Variants in ATG7 observed in about 807,000 individuals in gnomAD.
ATG7 encodes ubiquitin-like modifier-activating enzyme ATG7.
ATG7 carries 70 observed loss-of-function variants against 82.4 expected under a neutral mutation model. The observed-to-expected ratio is 0.85, with a 90% confidence interval of 0.70 to 1.04. The LOEUF is 1.04. Ranked by LOEUF, ATG7 falls within the 50% of genes least tolerant of loss-of-function variation. The pLI, the probability that ATG7 is intolerant of heterozygous loss-of-function variation, is 0.00. For synonymous variants in ATG7, 287 were observed against 313.0 expected, an observed-to-expected ratio of 0.92 and a Z score of 0.88; for missense variants, 792 against 864.3, an observed-to-expected ratio of 0.92 and a Z score of 1.05.
intron 18 of ATG7, among the ~76,000 whole-genome samples, chr3:11,370,969 C>G (rs1393266027): frequency 6.6e-6 from 1 of 151,080 alleles, no homozygotes; most frequent in East Asian, 1.9e-4. Flanking sequence ...GGCTTTGCCA[C>G]TTGGTAGCTG....
At chr3:11,334,078 C>T (rs1448801048) in intron 11 of ATG7, among the ~76,000 whole-genome samples, 1 of 151,844 alleles carries the variant, frequency 6.6e-6, no homozygotes, top group African/African-American at 2.4e-5. Flanking sequence ...ACCCGGAATC[C>T]ATGTCCTATG....
chr3:11,438,707 T>G lies in ATG7; in HGVS notation c.2079+11781T>G, dbSNP rs1416467659. Reference sequence around the variant, plus strand: ...AATCCCTTTGAATTATTAAAAAAATTAGGCAAATTAGTGCATTTGCTGGGT... The same window carrying G: ...AATCCCTTTGAATTATTAAAAAAATGAGGCAAATTAGTGCATTTGCTGGGT... On this transcript the variant is annotated intron_variant, in intron 20 of 20. Transcript: ENST00000693202. 7.2e-5 allele frequency among the ~76,000 whole-genome samples: 11 copies of G among 152,186 alleles called. No homozygotes were observed. In the East Asian group the frequency reaches 2.1e-3, roughly 29 times the overall value.
At chr3:11,343,925 A>G (rs1954071281) in intron 13 of ATG7, among the ~76,000 whole-genome samples, 1 of 152,204 alleles carries the variant, frequency 6.6e-6, no homozygotes, top group African/African-American at 2.4e-5. Flanking sequence ...TTTTTATGAC[A>G]TTAATCCTTA....
chr3:11,286,428 A>G lies in ATG7; in HGVS notation c.-11+3990A>G, dbSNP rs558783618. Among the ~76,000 whole-genome samples the G allele has an allele frequency of 2.0e-5, 3 of 151,862 alleles. No individual in the cohort carries two copies. The South Asian group carries it at 6.2e-4, about 32-fold the overall frequency. On this transcript the variant is annotated intron_variant, in intron 3 of 20. Transcript: ENST00000693202. ...TATGTTCTTCATGATTCCTTACTCCATATTCTGTGGTAATTGGCTTCTGGG... is the reference window on the plus strand; with the variant it reads ...TATGTTCTTCATGATTCCTTACTCCGTATTCTGTGGTAATTGGCTTCTGGG...
chr3:11,368,387 T>C (rs1311400785), intron 18 of ATG7, among the ~76,000 whole-genome samples: 1 of 152,084 alleles, frequency 6.6e-6, no homozygotes, highest in African/African-American at 2.4e-5. Context: ...AGGCCACTCT[T>C]GATATCTCCA....
intron 20 of ATG7, among the ~76,000 whole-genome samples, chr3:11,530,559 C>T (rs2092675787): frequency 6.6e-6 from 1 of 152,182 alleles, no homozygotes; most frequent in Non-Finnish European, 1.5e-5. Context: ...CCATTCCAGA[C>T]TTGATGGTGA....
chr3:11,349,817 G>C (rs2075407708), intron 14 of ATG7, among the ~76,000 whole-genome samples: 1 of 152,080 alleles, frequency 6.6e-6, no homozygotes, highest in East Asian at 1.9e-4. Context: ...AGAAAGATTG[G>C]GCTGAAAGTT....
chr3:11,425,724 T>A (rs962765331), intron 19 of ATG7, among the ~76,000 whole-genome samples: 1 of 152,166 alleles, frequency 6.6e-6, no homozygotes, highest in African/African-American at 2.4e-5. Context: ...TTCAACTTAA[T>A]GAATTCTCAA....
rs189410043 is a variant in ATG7, at chr3:11,416,849, G to T, written c.1957-9955G>T. ...TATTATTTCAGTGATACAGATTTCT[G>T]TCTCTAAGCATTTCTTTCCCTGCAT... On this transcript the variant is annotated intron_variant, in intron 19 of 20. Transcript: ENST00000693202. Among the ~76,000 whole-genome samples, 50 of 152,138 alleles carry T rather than the reference G, an allele frequency of 3.3e-4. No homozygotes were observed. In the East Asian group the frequency reaches 9.5e-3, roughly 29 times the overall value.
At chr3:11,478,360 A>C (rs983526523) in intron 20 of ATG7, among the ~76,000 whole-genome samples, 2 of 152,206 alleles carry the variant, frequency 1.3e-5, no homozygotes, top group African/African-American at 4.8e-5. Flanking sequence ...GCCTAATCTT[A>C]CCTGTAATCA....
intron 3 of ATG7, among the ~76,000 whole-genome samples, chr3:11,293,530 C>CAAA (rs34054325): frequency 3.5e-5 from 2 of 57,332 alleles, no homozygotes; most frequent in Non-Finnish European, 7.3e-5. Flanking sequence ...GACTCTGTCT[C>CAAA]AAAAAAAAAA....
At chr3:11,484,707 C>T (rs140005853) in intron 20 of ATG7, among the ~76,000 whole-genome samples, 1,714 of 152,256 alleles carry the variant, frequency 0.011, 31 homozygotes, top group African/African-American at 0.039. Context: ...CCTGACCCCA[C>T]GACAGTCCCC....
chr3:11,470,913 G>C (rs888958677), intron 20 of ATG7, among the ~76,000 whole-genome samples: 1 of 152,206 alleles, frequency 6.6e-6, no homozygotes, highest in African/African-American at 2.4e-5. Flanking sequence ...TTGAGGTGCA[G>C]ATAGTCCCCT....
chr3:11,397,970 G>C (rs958978803), intron 19 of ATG7, among the ~76,000 whole-genome samples: 1 of 151,340 alleles, frequency 6.6e-6, no homozygotes, highest in Non-Finnish European at 1.5e-5. Context: ...TGTAGTCCCA[G>C]CTACTTGGGA....
the ATG7 span, among the ~76,000 whole-genome samples, chr3:11,569,442 A>C: frequency 6.6e-6 from 1 of 152,154 alleles, no homozygotes; most frequent in Non-Finnish European, 1.5e-5. Context: ...GCCTCCCAAA[A>C]ACCAACATCC....
chr3:11,328,980 G>C (rs1406005954), intron 9 of ATG7, among the ~76,000 whole-genome samples: 6 of 152,144 alleles, frequency 3.9e-5, no homozygotes, highest in Non-Finnish European at 7.3e-5. Flanking sequence ...TGTAGTCCCA[G>C]GAACTAGAGA....
intron 20 of ATG7, among the ~76,000 whole-genome samples, chr3:11,530,298 G>A (rs1417230859): frequency 1.3e-5 from 2 of 152,174 alleles, no homozygotes; most frequent in Non-Finnish European, 2.9e-5. Context: ...GTGTGTGTGC[G>A]GTGCGCGTGC....
At chr3:11,465,088 AGT>A (rs55999171) in intron 20 of ATG7, among the ~76,000 whole-genome samples, 19,999 of 147,320 alleles carry the variant, frequency 0.14, 2,343 homozygotes, top group African/African-American at 0.33. Flanking sequence ...AAAAACCTAA[AGT>A]GTGTGTGTGT....
chr3:11,400,945 A>G (rs1194247162), intron 19 of ATG7, among the ~76,000 whole-genome samples: 1 of 152,242 alleles, frequency 6.6e-6, no homozygotes, highest in Non-Finnish European at 1.5e-5. Context: ...CTAAATAGTG[A>G]TATCACGCAA....
Sources: allele counts gnomAD v4.1 joint callset (sites outside exome capture counted in the v4.1 genomes callset), GRCh38; gene constraint gnomAD v4.1.1; transcripts MANE v1.5; gene names NCBI Gene and HGNC (gene_info 2026-07-23, HGNC 2026-07-21).